The following TMEM135 variants were observed in gnomAD, a reference collection of about 807,000 sequenced individuals.
TMEM135 encodes the protein transmembrane protein 135.
In TMEM135, 30 loss-of-function variants were observed where a neutral mutation model predicts 60.3. The observed-to-expected ratio is 0.50, with a 90% CI of 0.37 to 0.68. The LOEUF is 0.68. Ranked by LOEUF, TMEM135 falls within the 30% of genes least tolerant of loss-of-function variation. TMEM135 has a pLI of 0.00. For synonymous variants in TMEM135, 190 were observed against 186.7 expected (o/e 1.02, Z -0.14); for missense variants, 468 against 548.8 (o/e 0.85, Z 1.47).
rs540838678 is a variant in TMEM135 at position 87,197,342 on chromosome 11, G to T, written c.463-39296G>T. Reference sequence around the variant, plus strand: ...TCGGCATAAAGGGTAAAACGTATCAGACTCTCATACAGAGTTATGAAGTAG... The same window carrying T: ...TCGGCATAAAGGGTAAAACGTATCATACTCTCATACAGAGTTATGAAGTAG... On this transcript the variant is annotated intron_variant, in intron 5 of 14. Transcript: ENST00000305494. Among the ~76,000 whole-genome samples the T allele has an allele frequency of 6.6e-5, 10 of 152,188 alleles. No individual in the cohort carries two copies. In the South Asian group the frequency reaches 2.1e-3, roughly 32 times the overall value.
chr11:87,155,851 A>G (rs1938680468), intron 4 of TMEM135, among the ~76,000 whole-genome samples: 1 of 152,218 alleles, frequency 6.6e-6, no homozygotes, highest in Admixed American at 6.5e-5. Context: ...TATCTTGAAT[A>G]AGCAAAAGCC....
intron 5 of TMEM135, among the ~76,000 whole-genome samples, chr11:87,214,054 TATGGGTA>T (rs1393726076): frequency 1.3e-5 from 2 of 152,220 alleles, no homozygotes; most frequent in Admixed American, 6.5e-5. Flanking sequence ...TGGATCTTTT[TATGGGTA>T]CTGTGAGACA....
At chr11:87,243,845 A>G (rs80111682) in intron 6 of TMEM135, among the ~76,000 whole-genome samples, 1,467 of 51,670 alleles carry the variant, frequency 0.028, 40 homozygotes, top group Middle Eastern at 0.066. Context: ...CCTTTATTTC[A>G]TTCTCCTGCC....
Position 87,239,275 on chromosome 11 carries a change from A to G in TMEM135, c.509+2591A>G, listed in dbSNP as rs1333319946. Among the ~76,000 whole-genome samples, 3 of 152,220 alleles carry G rather than the reference A, an allele frequency of 2.0e-5. No homozygotes were observed. The East Asian group carries it at 5.8e-4, about 29-fold the overall frequency. On this transcript the variant is annotated intron_variant, in intron 6 of 14. Coordinates refer to ENST00000305494, the MANE Select transcript of TMEM135 (RefSeq NM_022918.4). ...AAAGGGGTTGTTTTTCTCCTAAAAGAAGTACTATCACCAAATTCGCTGTTC... is the reference window on the plus strand; with the variant it reads ...AAAGGGGTTGTTTTTCTCCTAAAAGGAGTACTATCACCAAATTCGCTGTTC...
At chr11:87,062,788 T>C (rs1370273394) in intron 1 of TMEM135, among the ~76,000 whole-genome samples, 1 of 152,114 alleles carries the variant, frequency 6.6e-6, no homozygotes, top group Non-Finnish European at 1.5e-5. Flanking sequence ...AATTACATAA[T>C]TTTAGAAGTA....
intron 5 of TMEM135, among the ~76,000 whole-genome samples, chr11:87,185,910 C>CTTTTTTTTT (rs1176662778): frequency 9.3e-6 from 1 of 107,102 alleles, no homozygotes; most frequent in African/African-American, 3.9e-5. Flanking sequence ...TGTAGTTATC[C>CTTTTTTTTT]TTCTTTTTTT....
At chr11:87,103,235 T>A (rs906154599) in intron 4 of TMEM135, among the ~76,000 whole-genome samples, 3 of 152,144 alleles carry the variant, frequency 2.0e-5, no homozygotes, top group African/African-American at 4.8e-5. Context: ...TCATATGGTA[T>A]TTTTAGTTTT....
intron 5 of TMEM135, among the ~76,000 whole-genome samples, chr11:87,170,228 A>T (rs951708461): frequency 6.6e-6 from 1 of 152,128 alleles, no homozygotes; most frequent in Non-Finnish European, 1.5e-5. Context: ...ATTGGGTTAG[A>T]ACATGCTTCT....
intron 1 of TMEM135, among the ~76,000 whole-genome samples, chr11:87,043,369 T>C (rs958187512): frequency 6.6e-6 from 1 of 152,150 alleles, no homozygotes; most frequent in Non-Finnish European, 1.5e-5. Context: ...TCTTGAATGT[T>C]AGTTATTGCT....
chr11:87,172,584 T>G (rs934057913), intron 5 of TMEM135, among the ~76,000 whole-genome samples: 4 of 152,024 alleles, frequency 2.6e-5, no homozygotes, highest in Non-Finnish European at 5.9e-5. Flanking sequence ...GAGTAGGGAC[T>G]CTTTGTTAGG....
At chr11:87,306,532 C>T (rs2135444563) in intron 9 of TMEM135, among the ~76,000 whole-genome samples, 1 of 152,190 alleles carries the variant, frequency 6.6e-6, no homozygotes, top group Admixed American at 6.5e-5. Flanking sequence ...ATTAAGAGAG[C>T]TAACTATGCC....
chr11:87,088,082 C>A (rs1348531413), intron 3 of TMEM135, among the ~76,000 whole-genome samples: 1 of 152,024 alleles, frequency 6.6e-6, no homozygotes, highest in Non-Finnish European at 1.5e-5. Context: ...GGTTTGTACC[C>A]TCAAATACCT....
At chr11:87,107,573 G>A (rs1224473106) in intron 4 of TMEM135, among the ~76,000 whole-genome samples, 1 of 152,062 alleles carries the variant, frequency 6.6e-6, no homozygotes, top group East Asian at 1.9e-4. Flanking sequence ...CTTCATCCAT[G>A]TCCCTACAAA....
chr11:87,187,687 T>C (rs999466978), intron 5 of TMEM135, among the ~76,000 whole-genome samples: 2 of 152,228 alleles, frequency 1.3e-5, no homozygotes, highest in Non-Finnish European at 2.9e-5. Context: ...ACTTTGACTA[T>C]TGATAATCTT....
intron 3 of TMEM135, among the ~76,000 whole-genome samples, chr11:87,078,792 C>CT (rs35962056): frequency 0.54 from 81,203 of 149,362 alleles, 22,686 homozygotes; most frequent in East Asian, 0.7. Flanking sequence ...TTTTGTATTT[C>CT]TTTTTTTTTA....
Position 87,319,357 on chromosome 11 carries a change from T to C in TMEM135, c.1224T>C (p.Leu408=), listed in dbSNP as rs941497728. 1.9e-6 allele frequency: 3 copies of C among 1,613,208 alleles called. No homozygotes were observed. In the African/African-American group the frequency reaches 4.0e-5, roughly 22 times the overall value. ...TGAGACCATCTTACTGGAAGTTCCT[T>C]TTAAGACTCACCAAGGGCAAGTAAG... ...QTLRPSYWKF[L]LRLTKGKFAV... The change falls in exon 14 of 15, where the codon CTT becomes CTC. Residue 408 remains leucine, a synonymous_variant. Transcript: ENST00000305494.
Position 87,138,742 on chromosome 11 carries a change from A to G in TMEM135, c.397-18599A>G, listed in dbSNP as rs1382790627. Among the ~76,000 whole-genome samples, 5 of 152,232 alleles carry G rather than the reference A, an allele frequency of 3.3e-5. No homozygotes were observed. The South Asian group carries it at 8.3e-4, about 25-fold the overall frequency. ...AGGTCTGACAACTTTTTGCTTGGAC[A>G]AATGGTGGATGGGAACACAGGTGCA... On this transcript the variant is annotated intron_variant, in intron 4 of 14. Transcript: ENST00000305494.
chr11:87,234,116 G>T lies in TMEM135; in HGVS notation c.463-2522G>T, dbSNP rs146742351. ...GATAAAATCCAAAATCCTTCCAGGG[G>T]CTCTATGCATATGGTCCTCTGGCTT... On this transcript the variant is annotated intron_variant, in intron 5 of 14. Transcript: ENST00000305494. 3.1e-3 allele frequency among the ~76,000 whole-genome samples: 468 copies of T among 152,002 alleles called. 3 individuals are homozygous for T. Among genetic ancestry groups the T allele is most frequent in the Middle Eastern group, 0.014 (4 of 294 alleles).
chr11:87,057,178 A>C (rs1949901924), intron 1 of TMEM135, among the ~76,000 whole-genome samples: 1 of 152,178 alleles, frequency 6.6e-6, no homozygotes, highest in Non-Finnish European at 1.5e-5. Flanking sequence ...ATTGTAACTT[A>C]AGTATATTTT....
Sources: allele counts gnomAD v4.1 joint callset (sites outside exome capture counted in the v4.1 genomes callset), GRCh38; gene constraint gnomAD v4.1.1; transcripts MANE v1.5; gene names NCBI Gene and HGNC (gene_info 2026-07-23, HGNC 2026-07-21).